Variants in GLIS1 observed in about 807,000 individuals in gnomAD.
GLIS1 encodes GLIS family zinc finger 1, also known as zinc finger protein GLIS1.
Under a neutral mutation model 63.8 loss-of-function variants are expected in GLIS1, and 24 were observed. That is an observed-to-expected ratio of 0.38 (90% CI 0.27 to 0.53). The LOEUF (loss-of-function observed/expected upper bound fraction) is 0.53, where lower values mean the gene tolerates loss of function less well. Ranked by LOEUF, GLIS1 falls within the 20% of genes least tolerant of loss-of-function variation. The probability of loss-of-function intolerance (pLI) is 0.85; values close to 1 mark genes in which losing one functional copy is unlikely to be tolerated. For synonymous variants in GLIS1, 450 were observed against 482.5 expected (o/e 0.93, Z 0.88); for missense variants, 1,036 against 1,074.1 (o/e 0.96, Z 0.50).
At chr1:53,521,983 G>T (rs1416436829) in intron 6 of GLIS1, among the ~76,000 whole-genome samples, 1 of 152,232 alleles carries the variant, frequency 6.6e-6, no homozygotes, top group African/African-American at 2.4e-5. Flanking sequence ...CTGAGAGTCA[G>T]CCCTGAGGGC....
chr1:53,510,118 C>T (rs144856352), intron 8 of GLIS1, 91 bp from the exon 9 acceptor site: 30 of 638,012 alleles, frequency 4.7e-5, no homozygotes, highest in African/African-American at 3.6e-4. Context: ...CCTCCAGCGA[C>T]GGGGAGCCCA....
At chr1:53,627,624 A>G (rs1645609519) in intron 2 of GLIS1, among the ~76,000 whole-genome samples, 1 of 152,218 alleles carries the variant, frequency 6.6e-6, no homozygotes, top group South Asian at 2.1e-4. Context: ...AATCATGCAG[A>G]CAGTCTAGAA....
chr1:53,554,599 T>A (rs1644797507), intron 4 of GLIS1, among the ~76,000 whole-genome samples: 1 of 151,960 alleles, frequency 6.6e-6, no homozygotes, highest in African/African-American at 2.4e-5. Flanking sequence ...TGCTAACCAA[T>A]ATGGACTCAG....
chr1:53,533,048 C>G lies in GLIS1; in HGVS notation c.1321-3096G>C, dbSNP rs1179119764. ...AGGAGTGAGACTGTGTCTGAACAGT[C>G]CTGAATTCTGTTAGGAATTTCCATG... On this transcript the variant is annotated intron_variant, in intron 4 of 10. Transcript: ENST00000628545. Among the ~76,000 whole-genome samples, 4 of 152,268 alleles carry G rather than the reference C, an allele frequency of 2.6e-5. No individual in the cohort carries two copies. The South Asian group carries it at 8.3e-4, about 31-fold the overall frequency.
At position 53,536,075 on chromosome 1, in the gene GLIS1, T is replaced by C. The variant is rs1000136036; in HGVS notation, c.1321-6123A>G. 2.6e-5 allele frequency among the ~76,000 whole-genome samples: 4 copies of C among 152,280 alleles called. No individual in the cohort carries two copies. The East Asian group carries it at 7.7e-4, about 29-fold the overall frequency. ...ACCTCAGATGTAAGAAGGGGCACAC[T>C]GTGGGGGCTCTGTGAACCACTGTGT... On this transcript the variant is annotated intron_variant, in intron 4 of 10. Coordinates refer to ENST00000628545, the MANE Select transcript of GLIS1 (RefSeq NM_001367484.1).
At chr1:53,512,391 T>C (rs1644305839) in intron 8 of GLIS1, among the ~76,000 whole-genome samples, 1 of 152,198 alleles carries the variant, frequency 6.6e-6, no homozygotes, top group African/African-American at 2.4e-5. Flanking sequence ...CTATTCGGCG[T>C]CTTCTCTGAG....
chr1:53,530,177 C>A (rs141103335), intron 4 of GLIS1, among the ~76,000 whole-genome samples: 7 of 152,206 alleles, frequency 4.6e-5, no homozygotes, highest in Admixed American at 1.3e-4. Flanking sequence ...AGAAATAGGG[C>A]GTGAGGGCTG....
intron 2 of GLIS1, among the ~76,000 whole-genome samples, chr1:53,704,401 A>G (rs1261011877): frequency 2.0e-5 from 3 of 152,264 alleles, no homozygotes; most frequent in African/African-American, 7.2e-5. Flanking sequence ...CCAAGGACAC[A>G]CAGAATTAGC....
intron 3 of GLIS1, among the ~76,000 whole-genome samples, chr1:53,596,386 C>A (rs1645255517): frequency 6.6e-6 from 1 of 152,166 alleles, no homozygotes. Context: ...GGACACCCCC[C>A]TGGCTGGCTA....
At chr1:53,648,258 A>T (rs1645868505) in intron 2 of GLIS1, among the ~76,000 whole-genome samples, 1 of 152,216 alleles carries the variant, frequency 6.6e-6, no homozygotes, top group Admixed American at 6.5e-5. Flanking sequence ...ATATGAAATG[A>T]TGCTCAACAT....
At chr1:53,618,694 C>G (rs1337465557) in intron 2 of GLIS1, among the ~76,000 whole-genome samples, 2 of 152,200 alleles carry the variant, frequency 1.3e-5, no homozygotes, top group African/African-American at 2.4e-5. Flanking sequence ...TGAAGGGCAG[C>G]CCACTCACAG....
At chr1:53,682,455 C>G (rs1646286000) in intron 2 of GLIS1, among the ~76,000 whole-genome samples, 1 of 152,246 alleles carries the variant, frequency 6.6e-6, no homozygotes, top group Non-Finnish European at 1.5e-5. Flanking sequence ...CAGAAGAGGG[C>G]CTTCCTCTGC....
At chr1:53,689,668 G>C (rs1179705675) in intron 2 of GLIS1, among the ~76,000 whole-genome samples, 1 of 152,186 alleles carries the variant, frequency 6.6e-6, no homozygotes, top group African/African-American at 2.4e-5. Context: ...CCAATGCCCT[G>C]TGTGATGCTA....
At chr1:53,667,904 C>A (rs187421690) in intron 2 of GLIS1, among the ~76,000 whole-genome samples, 1 of 152,308 alleles carries the variant, frequency 6.6e-6, no homozygotes, top group Non-Finnish European at 1.5e-5. Flanking sequence ...CCCATTCAAA[C>A]CATTGTACAT....
intron 2 of GLIS1, among the ~76,000 whole-genome samples, chr1:53,669,527 G>C (rs907746127): frequency 6.6e-5 from 10 of 152,176 alleles, no homozygotes; most frequent in African/African-American, 2.4e-4. Context: ...ACCAAAGCTG[G>C]GTCAGACACT....
At chr1:53,707,057 G>A (rs1307745055) in intron 2 of GLIS1, among the ~76,000 whole-genome samples, 5 of 152,056 alleles carry the variant, frequency 3.3e-5, no homozygotes, top group African/African-American at 9.7e-5. Flanking sequence ...CATTCCCCCC[G>A]ACCCATTTTC....
chr1:53,569,817 T>TA (rs1278848847), intron 4 of GLIS1, among the ~76,000 whole-genome samples: 2 of 151,610 alleles, frequency 1.3e-5, no homozygotes, highest in Non-Finnish European at 2.9e-5. Context: ...AAAAAGTAAT[T>TA]AAAAAAGATA....
At chr1:53,522,054 C>T (rs1022608699) in intron 6 of GLIS1, among the ~76,000 whole-genome samples, 3 of 152,244 alleles carry the variant, frequency 2.0e-5, no homozygotes, top group Non-Finnish European at 2.9e-5. Flanking sequence ...AGCCCAGCCT[C>T]GAGATGGGCT....
rs1229760261 is a variant in GLIS1, at chr1:53,633,316, GGGGGCGTGTGAATGGCTGA to G, written c.260-33057_260-33039del. Reference sequence around the variant, plus strand: ...AGGGGCGTGTGAATGAGTGTGACTGGGGGGCGTGTGAATGGCTGAGGGGCGTGTGAATGGCTGAGGGGCA... The same window carrying G: ...AGGGGCGTGTGAATGAGTGTGACTGGGGGGCGTGTGAATGGCTGAGGGGCA... On this transcript the variant is annotated intron_variant, in intron 2 of 10. Transcript: ENST00000628545. Among the ~76,000 whole-genome samples the G allele has an allele frequency of 2.5e-3, 355 of 143,976 alleles. 3 individuals are homozygous for G. Among genetic ancestry groups the G allele is most frequent in the African/African-American group, 8.8e-3 (339 of 38,510 alleles). 94.5% of individuals were successfully genotyped at this position (143,976 alleles called of 152,430 possible). A position where few individuals can be genotyped will look rare whatever the true frequency, so the allele number is the denominator to read the frequency against.
Sources: allele counts gnomAD v4.1 joint callset (sites outside exome capture counted in the v4.1 genomes callset), GRCh38; gene constraint gnomAD v4.1.1; transcripts MANE v1.5; gene names NCBI Gene and HGNC (gene_info 2026-07-23, HGNC 2026-07-21).